The following ADIPOR2 variants were observed in gnomAD, a reference collection of about 807,000 sequenced individuals.
ADIPOR2 encodes the protein adiponectin receptor protein 2.
In ADIPOR2, 18 loss-of-function variants were observed where a neutral mutation model predicts 40.9. The ratio of observed to expected loss-of-function variants is 0.44; its 90% CI spans 0.30 to 0.65. ADIPOR2 has a LOEUF of 0.65. Among genes scored for constraint, ADIPOR2 ranks in the 30% least tolerant of loss-of-function variants. The pLI, the probability that ADIPOR2 is intolerant of heterozygous loss-of-function variation, is 0.09. For synonymous variants in ADIPOR2, 165 were observed against 166.4 expected (o/e 0.99, Z 0.06); for missense variants, 283 against 479.2 (o/e 0.59, Z 3.82).
chr12:1,784,010 A>G lies in ADIPOR2; in HGVS notation c.969A>G (p.Thr323=). 1 of 1,613,704 alleles carries G rather than the reference A, an allele frequency of 6.2e-7. No homozygotes were observed. Among genetic ancestry groups the G allele is most frequent in the Non-Finnish European group, 8.5e-7 (1 of 1,179,774 alleles). The change falls in exon 7 of 8, where the codon ACA becomes ACG. Residue 323 remains threonine (T), a synonymous_variant. Transcript: ENST00000357103. The part of the protein sequence containing the change: ...WLMLMASLYI[T]GAALYAARIP... ...TGCTGATGGCCAGCCTCTACATCAC[A>G]GGAGCTGCCCTGTATGCTGCCCGGA... is the stretch of plus-strand genomic sequence containing the variant.
chr12:1,764,535 A>G (rs1236544266), intron 2 of ADIPOR2, among the ~76,000 whole-genome samples: 2 of 150,110 alleles, frequency 1.3e-5, no homozygotes, highest in Non-Finnish European at 3.0e-5. Context: ...AAGAAAAACA[A>G]CAAAAACCTT....
At chr12:1,761,760 TTAATC>T (rs778981616) in intron 2 of ADIPOR2, among the ~76,000 whole-genome samples, 7 of 152,236 alleles carry the variant, frequency 4.6e-5, no homozygotes, top group African/African-American at 9.6e-5. Flanking sequence ...TGCCATTACT[TTAATC>T]TAAGCCACCA....
intron 1 of ADIPOR2, among the ~76,000 whole-genome samples, chr12:1,737,758 G>A (rs1035580160): frequency 6.6e-6 from 1 of 151,986 alleles, no homozygotes; most frequent in Admixed American, 6.6e-5. Flanking sequence ...CACCATGTTG[G>A]CCAGGCTGGT....
chr12:1,720,506 G>A (rs1233450567), intron 1 of ADIPOR2, among the ~76,000 whole-genome samples: 1 of 152,198 alleles, frequency 6.6e-6, no homozygotes, highest in African/African-American at 2.4e-5. Context: ...CAGCTAGACT[G>A]TCCCATATGG....
chr12:1,746,268 C>G (rs1462891698), intron 1 of ADIPOR2, among the ~76,000 whole-genome samples: 1 of 151,936 alleles, frequency 6.6e-6, no homozygotes, highest in African/African-American at 2.4e-5. Flanking sequence ...GCCTGTAATC[C>G]CAGCACTTTG....
At chr12:1,757,222 G>A (rs1438014460) in intron 2 of ADIPOR2, 5 of 502,316 alleles carry the variant, frequency 1.0e-5, no homozygotes, top group Non-Finnish European at 1.5e-5. Context: ...ATGTCACCCA[G>A]GGACCATTTC....
At chr12:1,702,904 G>A (rs1298128783) in intron 1 of ADIPOR2, 2 of 152,134 alleles carry the variant, frequency 1.3e-5, no homozygotes, top group African/African-American at 2.4e-5. Context: ...CCTTTTGTGA[G>A]GTGGTTTTTA....
chr12:1,754,862 A>AAG (rs1862090310), intron 2 of ADIPOR2, among the ~76,000 whole-genome samples: 3 of 79,094 alleles, frequency 3.8e-5, no homozygotes, highest in Non-Finnish European at 7.4e-5. Context: ...CTACAGGTAC[A>AAG]TGCCACCATG....
intron 2 of ADIPOR2, chr12:1,757,290 A>G: frequency 3.1e-6 from 2 of 643,622 alleles, no homozygotes; most frequent in Non-Finnish European, 2.8e-6. Flanking sequence ...ATGGTGAGGC[A>G]GATACCCTTT....
At chr12:1,728,958 G>GTTTTTT (rs66842156) in intron 1 of ADIPOR2, among the ~76,000 whole-genome samples, 1 of 110,018 alleles carries the variant, frequency 9.1e-6, no homozygotes, top group Non-Finnish European at 1.8e-5. Context: ...GTTCTGGACT[G>GTTTTTT]TTTTTTTTTT....
At chr12:1,760,145 A>G (rs879491579) in intron 2 of ADIPOR2, among the ~76,000 whole-genome samples, 4 of 152,148 alleles carry the variant, frequency 2.6e-5, no homozygotes, top group Non-Finnish European at 5.9e-5. Flanking sequence ...ATATTTATTT[A>G]TTTTAAATAA....
Position 1,756,340 on chromosome 12 carries a change from G to T in ADIPOR2, c.171+1826G>T, listed in dbSNP as rs190127096. Among the ~76,000 whole-genome samples the T allele has an allele frequency of 3.6e-3, 541 of 151,892 alleles. 3 individuals are homozygous for T. The highest frequency in any genetic ancestry group is 0.013 in the African/African-American group (520 of 41,426). On this transcript the variant is annotated intron_variant, in intron 2 of 7. Coordinates refer to ENST00000357103, the MANE Select transcript of ADIPOR2 (RefSeq NM_024551.3). ...TAATTTTTGTATTTTTAGTAGAGAC[G>T]GGGTTTCACCATGTTGGCCAGGCTG...
intron 1 of ADIPOR2, among the ~76,000 whole-genome samples, chr12:1,691,606 T>C (rs1028274396): frequency 6.6e-6 from 1 of 152,188 alleles, no homozygotes; most frequent in African/African-American, 2.4e-5. Flanking sequence ...TCTAGGAATT[T>C]GTTTGGTGGA....
chr12:1,703,495 G>C (rs10848555), intron 1 of ADIPOR2, among the ~76,000 whole-genome samples: 6,804 of 152,082 alleles, frequency 0.045, 252 homozygotes, highest in East Asian at 0.18. Context: ...CAGTACTTTG[G>C]GAAGCTGAGA....
At position 1,785,926 on chromosome 12, in the gene ADIPOR2, T is replaced by C. The variant is rs745791984; in HGVS notation, c.1033-18T>C. 3.1e-6 allele frequency: 5 copies of C among 1,613,476 alleles called. No homozygotes were observed. The highest frequency in any genetic ancestry group is 4.2e-6 in the Non-Finnish European group (5 of 1,179,834). On this transcript the variant is annotated intron_variant, in intron 7 of 7. Transcript: ENST00000357103. ...GTATGGGTTTCTCTACCCCCTTCTC[T>C]TCTTTTTTCCCCTCCAGTTTCACTC...
chr12:1,754,451 C>T lies in ADIPOR2; in HGVS notation c.108C>T (p.Asp36=), dbSNP rs930581609. The T allele has an allele frequency of 4.3e-6, 7 of 1,613,358 alleles. No individual in the cohort carries two copies. The Admixed American group carries it at 6.7e-5, about 15-fold the overall frequency. ...ATGGTACACGAAGAGGTGATAATGA[C>T]AGCCACCAAGGAGATTTGGAGCCCA... ...QLDGTRRGDN[D]SHQGDLEPIL... The change falls in exon 2 of 8, where the codon GAC becomes GAT. Residue 36 remains aspartate, a synonymous_variant. Coordinates refer to ENST00000357103, the MANE Select transcript of ADIPOR2 (RefSeq NM_024551.3).
At chr12:1,704,457 A>G (rs777273628) in intron 1 of ADIPOR2, among the ~76,000 whole-genome samples, 6 of 152,216 alleles carry the variant, frequency 3.9e-5, no homozygotes, top group Non-Finnish European at 8.8e-5. Context: ...TGGATTGCAG[A>G]CAATTTGAGG....
chr12:1,720,350 T>TG (rs1489294475), intron 1 of ADIPOR2, among the ~76,000 whole-genome samples: 1 of 151,760 alleles, frequency 6.6e-6, no homozygotes, highest in Non-Finnish European at 1.5e-5. Flanking sequence ...GGGCAGGGGG[T>TG]GGAGGGGATG....
chr12:1,776,563 G>A (rs1288104027), intron 3 of ADIPOR2, among the ~76,000 whole-genome samples: 1 of 152,128 alleles, frequency 6.6e-6, no homozygotes, highest in African/African-American at 2.4e-5. Context: ...TGATCCTTGT[G>A]GTGTGAGCTC....
Sources: allele counts gnomAD v4.1 joint callset (sites outside exome capture counted in the v4.1 genomes callset), GRCh38; gene constraint gnomAD v4.1.1; transcripts MANE v1.5; gene names NCBI Gene and HGNC (gene_info 2026-07-23, HGNC 2026-07-21).